PAX5: variants seen among roughly 807,000 people sequenced by gnomAD.
The protein encoded by PAX5 is paired box protein Pax-5.
Under a neutral mutation model 43.7 loss-of-function variants are expected in PAX5, and 9 were observed. That is an observed-to-expected ratio of 0.21 (90% CI 0.12 to 0.36). The LOEUF (loss-of-function observed/expected upper bound fraction) is 0.36. Ranked by LOEUF, PAX5 falls within the 10% of genes least tolerant of loss-of-function variation. The pLI, the probability that PAX5 is intolerant of heterozygous loss-of-function variation, is 1.00. For missense variants in PAX5, 383 were observed against 532.7 expected (o/e 0.72, Z 2.77); for synonymous variants, 228 against 214.3 (o/e 1.06, Z -0.56).
chr9:36,855,151 G>A (rs1457229158), intron 8 of PAX5, among the ~76,000 whole-genome samples: 2 of 152,248 alleles, frequency 1.3e-5, no homozygotes, highest in African/African-American at 4.8e-5. Context: ...TCTGCCACAG[G>A]GCACAGGTCC....
intron 6 of PAX5, among the ~76,000 whole-genome samples, chr9:36,937,656 C>T (rs3780155): frequency 0.23 from 35,343 of 152,068 alleles, 4,902 homozygotes; most frequent in Non-Finnish European, 0.33. Flanking sequence ...CCCCGCCGGG[C>T]GCCCTCTCAC....
intron 7 of PAX5, among the ~76,000 whole-genome samples, chr9:36,900,592 T>G (rs2131855002): frequency 6.6e-6 from 1 of 152,316 alleles, no homozygotes; most frequent in Non-Finnish European, 1.5e-5. Context: ...AGCGCATCTG[T>G]GGCGGGAGTG....
intron 4 of PAX5, among the ~76,000 whole-genome samples, chr9:37,003,129 C>T (rs1838062047): frequency 7.2e-6 from 1 of 139,284 alleles, no homozygotes; most frequent in Non-Finnish European, 1.5e-5. Context: ...AAGAGGGGAG[C>T]CGGGGCCCAC....
chr9:36,849,520 A>G (rs755687628), intron 8 of PAX5, among the ~76,000 whole-genome samples: 14 of 152,226 alleles, frequency 9.2e-5, no homozygotes, highest in Non-Finnish European at 1.5e-4. Flanking sequence ...TGTTGAATGA[A>G]TGAATGAACG....
chr9:36,909,984 G>A (rs950497867), intron 7 of PAX5, among the ~76,000 whole-genome samples: 2 of 151,920 alleles, frequency 1.3e-5, no homozygotes, highest in African/African-American at 4.8e-5. Flanking sequence ...ACCACATCCA[G>A]CTAATTTTTG....
chr9:37,019,366 A>G (rs1588244977), intron 2 of PAX5, among the ~76,000 whole-genome samples: 1 of 152,136 alleles, frequency 6.6e-6, no homozygotes, highest in African/African-American at 2.4e-5. Context: ...AGTGCTAAAC[A>G]GGAGTGAAGC....
At chr9:36,869,356 C>T (rs549618342) in intron 8 of PAX5, among the ~76,000 whole-genome samples, 1 of 152,346 alleles carries the variant, frequency 6.6e-6, no homozygotes, top group South Asian at 2.1e-4. Flanking sequence ...CACTCCACCT[C>T]CCACTGGCTA....
chr9:36,923,411 G>A lies in PAX5; in HGVS notation c.854C>T (p.Thr285Ile), dbSNP rs79813621. The change falls in exon 7 of 10, where the codon ACC becomes ATC. Residue 285 changes from threonine to isoleucine, a missense_variant. By Grantham distance (89) the Thr-to-Ile change is moderately conservative. Transcript: ENST00000358127. ...DDMKANLASPTPADIGSSVPG... is the reference protein window; with the variant it reads ...DDMKANLASPIPADIGSSVPG... ...CACACTGCTCCCGATGTCAGCAGGG[G>A]TGGGGCTGGCCAGATTGGCCTTCAT... 2 of 1,613,334 alleles carry A rather than the reference G, an allele frequency of 1.2e-6. No individual in the cohort carries two copies. Among genetic ancestry groups the A allele is most frequent in the Non-Finnish European group, 1.7e-6 (2 of 1,180,002 alleles).
intron 1 of PAX5, among the ~76,000 whole-genome samples, chr9:37,031,665 C>G (rs1056443228): frequency 2.6e-5 from 4 of 152,010 alleles, no homozygotes; most frequent in African/African-American, 7.3e-5. Flanking sequence ...TTTATGATCT[C>G]GAACAAGTCC....
intron 5 of PAX5, among the ~76,000 whole-genome samples, chr9:36,967,948 T>C (rs1834584988): frequency 6.6e-6 from 1 of 152,194 alleles, no homozygotes; most frequent in Admixed American, 6.5e-5. Context: ...AAGAAACAAA[T>C]GGGATGAAAT....
chr9:36,898,531 G>T (rs1828072919), intron 7 of PAX5, among the ~76,000 whole-genome samples: 1 of 152,192 alleles, frequency 6.6e-6, no homozygotes, highest in Non-Finnish European at 1.5e-5. Context: ...CCAAATTGAA[G>T]CTCACCGGGC....
intron 6 of PAX5, among the ~76,000 whole-genome samples, chr9:36,957,331 A>T (rs1436820595): frequency 1.3e-5 from 2 of 152,278 alleles, no homozygotes; most frequent in African/African-American, 4.8e-5. Flanking sequence ...GGTCTCCTCT[A>T]AGGGGTGCTT....
chr9:37,026,961 T>C (rs1840450697), intron 1 of PAX5, among the ~76,000 whole-genome samples: 1 of 152,190 alleles, frequency 6.6e-6, no homozygotes, highest in East Asian at 1.9e-4. Flanking sequence ...GGAGCAGCTT[T>C]GAGGAGGCCG....
Position 36,923,468 on chromosome 9 carries a change from G to T in PAX5, c.797C>A (p.Ala266Asp). Residue 266 changes from alanine (A) to aspartate (D), a missense_variant, in exon 7 of 10, where the codon GCC becomes GAC. Around this residue, in one of 5 missense-constraint regions of PAX5, gnomAD observed 291 missense variants for 342.5 expected, o/e 0.85. Transcript: ENST00000358127. ...CAGCCCACCAGCCAGCGAGGCCATGGCTGAATACTCTGTGGTCTGAAAGAA... is the reference window on the plus strand; with the variant it reads ...CAGCCCACCAGCCAGCGAGGCCATGTCTGAATACTCTGTGGTCTGAAAGAA... The part of the protein sequence containing the change: ...IKPEQTTEYS[A>D]MASLAGGLDD... The T allele has an allele frequency of 2.5e-6, 4 of 1,610,758 alleles. No individual in the cohort carries two copies. The highest frequency in any genetic ancestry group is 3.4e-6 in the Non-Finnish European group (4 of 1,179,690).
In PAX5 at chr9:36,838,373, G is replaced by A. The variant is rs73451131; in HGVS notation, c.*2187C>T. 0.012 allele frequency: 2,706 copies of A among 232,694 alleles called. 76 individuals are homozygous for A. The highest frequency in any genetic ancestry group is 0.056 in the African/African-American group (2,520 of 45,388). 14.4% of individuals were successfully genotyped at this position (232,694 alleles called of 1,614,324 possible). ...GATGTGGATAGACCAGGGTGACAGG[G>A]AACACCATGGGTTGGGGGTCAGGAG... On this transcript the variant is annotated 3_prime_UTR_variant, in exon 10 of 10. Coordinates refer to ENST00000358127, the MANE Select transcript of PAX5 (RefSeq NM_016734.3).
At chr9:36,939,097 C>T (rs1479462669) in intron 6 of PAX5, among the ~76,000 whole-genome samples, 1 of 152,230 alleles carries the variant, frequency 6.6e-6, no homozygotes, top group Non-Finnish European at 1.5e-5. Flanking sequence ...TCCTGTGTCC[C>T]CTTCTCAGCG....
chr9:36,966,146 G>A (rs968815329), intron 6 of PAX5, among the ~76,000 whole-genome samples: 4 of 152,222 alleles, frequency 2.6e-5, no homozygotes, highest in Admixed American at 6.5e-5. Context: ...CATTGTTCAC[G>A]GCCGGTGAGC....
intron 7 of PAX5, among the ~76,000 whole-genome samples, chr9:36,894,966 G>C (rs142523578): frequency 6.6e-6 from 1 of 152,288 alleles, no homozygotes; most frequent in Non-Finnish European, 1.5e-5. Flanking sequence ...TCCTTTCCTC[G>C]TCTAAGGGAG....
In PAX5 at chr9:36,840,485, T is replaced by C. The variant is rs111381883; in HGVS notation, c.*75A>G. The C allele has an allele frequency of 1.4e-6, 2 of 1,413,274 alleles. No homozygotes were observed. Among genetic ancestry groups the C allele is most frequent in the South Asian group, 1.2e-5 (1 of 81,546 alleles). The allele number at this position is 1,413,274 out of a possible 1,614,324, so 87.5% of individuals were successfully genotyped here. A position where few individuals can be genotyped will look rare whatever the true frequency, so the allele number is the denominator to read the frequency against. ...GGGACGGTCTCATGGGCTCTCTGGC[T>C]ATCTTCAGGAGGGCTGGGTGGCTGT... On this transcript the variant is annotated 3_prime_UTR_variant, in exon 10 of 10. Coordinates refer to ENST00000358127, the MANE Select transcript of PAX5 (RefSeq NM_016734.3).
Sources: allele counts gnomAD v4.1 joint callset (sites outside exome capture counted in the v4.1 genomes callset), GRCh38; gene constraint gnomAD v4.1.1; regional missense constraint gnomAD v4.1.1; transcripts MANE v1.5; gene names NCBI Gene and HGNC (gene_info 2026-07-23, HGNC 2026-07-21).